CPAP: variants seen among roughly 807,000 people sequenced by gnomAD.
The protein encoded by CPAP is centrosomal P4.1-associated protein.
chr13:24,929,272 G>A, the CPAP span, among the ~76,000 whole-genome samples: 1 of 152,164 alleles, frequency 6.6e-6, no homozygotes, highest in South Asian at 2.1e-4. Context: ...ATGTTGCCTA[G>A]GCTGTTCTTG....
the CPAP span, among the ~76,000 whole-genome samples, chr13:24,927,732 G>A: frequency 6.6e-6 from 1 of 152,212 alleles, no homozygotes; most frequent in Non-Finnish European, 1.5e-5. Flanking sequence ...TTGCTCCCCA[G>A]TAGAAAAGAA....
chr13:24,903,359 G>A, the CPAP span, among the ~76,000 whole-genome samples: 1 of 152,152 alleles, frequency 6.6e-6, no homozygotes, highest in South Asian at 2.1e-4. Flanking sequence ...ATCCTTAAAA[G>A]AGGCACCAAG....
the CPAP span, among the ~76,000 whole-genome samples, chr13:24,932,044 TGCTAGGGAC>T: frequency 6.6e-6 from 1 of 152,334 alleles, no homozygotes; most frequent in Admixed American, 6.5e-5. Context: ...CGACGGTCCC[TGCTAGGGAC>T]GCTGCGCTCT....
chr13:24,930,517 T>A, the CPAP span, among the ~76,000 whole-genome samples: 1 of 152,156 alleles, frequency 6.6e-6, no homozygotes, highest in Non-Finnish European at 1.5e-5. Context: ...TTATGGTCCA[T>A]GAGTACCCAG....
the CPAP span, among the ~76,000 whole-genome samples, chr13:24,891,660 T>TGCCCA: frequency 6.6e-6 from 1 of 152,154 alleles, no homozygotes; most frequent in Non-Finnish European, 1.5e-5. Flanking sequence ...TTCCTGGTGT[T>TGCCCA]GCCCATGCTC....
the CPAP span, among the ~76,000 whole-genome samples, chr13:24,897,508 C>T: frequency 0.015 from 2,268 of 152,084 alleles, 60 homozygotes; most frequent in African/African-American, 0.048. Flanking sequence ...GTCACATATG[C>T]GCAGTTATTC....
At chr13:24,882,891 T>C in the CPAP span, 2 of 401,182 alleles carry the variant, frequency 5.0e-6, no homozygotes, top group Non-Finnish European at 9.2e-6. Context: ...TTTATAGCCA[T>C]TTCTAACCAA....
the CPAP span, among the ~76,000 whole-genome samples, chr13:24,918,609 T>C: frequency 6.8e-6 from 1 of 147,084 alleles, no homozygotes; most frequent in African/African-American, 2.7e-5. Flanking sequence ...GTTAAGAAAA[T>C]AATAAAAAAT....
the CPAP span, among the ~76,000 whole-genome samples, chr13:24,890,181 T>A: frequency 2.6e-5 from 4 of 152,352 alleles, 1 homozygote; most frequent in South Asian, 8.3e-4. Flanking sequence ...TTCCTACAAG[T>A]ACCTTCAAAT....
chr13:24,883,434 A>AC, the CPAP span: 5 of 1,331,052 alleles, frequency 3.8e-6, no homozygotes, highest in Non-Finnish European at 5.2e-6. Flanking sequence ...CAACAGAAAA[A>AC]CTACTGAAAA....
chr13:24,905,093 G>C, the CPAP span, among the ~76,000 whole-genome samples: 2 of 152,254 alleles, frequency 1.3e-5, no homozygotes, highest in African/African-American at 4.8e-5. Context: ...CTCTAGGAAG[G>C]GGTACTTGAA....
chr13:24,918,563 T>C, the CPAP span, among the ~76,000 whole-genome samples: 2 of 152,190 alleles, frequency 1.3e-5, no homozygotes, highest in South Asian at 2.1e-4. Flanking sequence ...GTATTATATA[T>C]GGTATTTTTA....
chr13:24,904,896 AATGGAATGAGGT>A, the CPAP span, among the ~76,000 whole-genome samples: 5 of 152,346 alleles, frequency 3.3e-5, no homozygotes, highest in East Asian at 9.6e-4. Context: ...ACATCCGTTA[AATGGAATGAGGT>A]AGGTGTGTAC....
At chr13:24,907,995 C>T in the CPAP span, 1 of 1,463,670 alleles carries the variant, frequency 6.8e-7, no homozygotes, top group South Asian at 1.1e-5. Context: ...AGTCACATTT[C>T]TCACTTTCAA....
the CPAP span, among the ~76,000 whole-genome samples, chr13:24,894,755 G>A: frequency 1.3e-5 from 2 of 152,264 alleles, no homozygotes; most frequent in African/African-American, 4.8e-5. Flanking sequence ...CGGGACACGG[G>A]GATGGAGTGG....
the CPAP span, among the ~76,000 whole-genome samples, chr13:24,899,917 GCA>G: frequency 1.3e-5 from 2 of 151,314 alleles, no homozygotes; most frequent in African/African-American, 4.8e-5. Flanking sequence ...AGCTGTGATC[GCA>G]CCACTGTATT....
chr13:24,926,791 A>G, the CPAP span, among the ~76,000 whole-genome samples: 1 of 152,236 alleles, frequency 6.6e-6, no homozygotes, highest in Admixed American at 6.5e-5. Flanking sequence ...AATCAGGTAT[A>G]TGAGCCCATC....
At chr13:24,883,118 A>G in the CPAP span, 47 of 1,384,630 alleles carry the variant, frequency 3.4e-5, no homozygotes, top group Non-Finnish European at 3.2e-5. Flanking sequence ...TCCACAGTAA[A>G]TGTACATTTT....
the CPAP span, among the ~76,000 whole-genome samples, chr13:24,904,363 TAAG>T: frequency 6.6e-6 from 1 of 152,120 alleles, no homozygotes; most frequent in Non-Finnish European, 1.5e-5. Context: ...ATAAATAGCT[TAAG>T]AATAAGTAAT....
Sources: allele counts gnomAD v4.1 joint callset (sites outside exome capture counted in the v4.1 genomes callset), GRCh38; gene constraint gnomAD v4.1.1; transcripts MANE v1.5; gene names NCBI Gene and HGNC (gene_info 2026-07-23, HGNC 2026-07-21).